The following PTK2 variants were observed in gnomAD, a reference collection of about 807,000 sequenced individuals.
PTK2 encodes the protein focal adhesion kinase 1.
Under a neutral mutation model 150.1 loss-of-function variants are expected in PTK2, and 45 were observed. The observed-to-expected ratio is 0.30, with a 90% CI of 0.24 to 0.38. The LOEUF is 0.38. Ranked by LOEUF, PTK2 falls within the 10% of genes least tolerant of loss-of-function variation. The probability of loss-of-function intolerance (pLI) is 1.00; values close to 1 mark genes in which losing one functional copy is unlikely to be tolerated. For missense variants in PTK2, 919 were observed against 1,307.3 expected, an observed-to-expected ratio of 0.70 and a Z score of 4.58; for synonymous variants, 432 against 449.2, an observed-to-expected ratio of 0.96 and a Z score of 0.48.
In PTK2 at chr8:140,954,322, G is replaced by A. The variant is rs527379365; in HGVS notation, c.-121-28573C>T. On this transcript the variant is annotated intron_variant, in intron 1 of 31. Transcript: ENST00000522684. ...TGAACTCAAGCAATCCTCCTGTCTC[G>A]GCCTCCCAAAGTGCTGGGATTACAA... Among the ~76,000 whole-genome samples, 14 of 152,034 alleles carry A rather than the reference G, an allele frequency of 9.2e-5. No homozygotes were observed. The East Asian group carries it at 2.3e-3, about 25-fold the overall frequency.
chr8:140,712,124 A>G (rs1200391850), intron 23 of PTK2, among the ~76,000 whole-genome samples: 2 of 152,180 alleles, frequency 1.3e-5, no homozygotes, highest in Non-Finnish European at 2.9e-5. Context: ...ACCAACACTC[A>G]TACTGTTAGA....
At chr8:140,913,762 A>G (rs1052066402) in intron 2 of PTK2, among the ~76,000 whole-genome samples, 3 of 152,218 alleles carry the variant, frequency 2.0e-5, no homozygotes, top group East Asian at 1.9e-4. Flanking sequence ...TTCATAAGTC[A>G]ATTCTCCCAA....
At chr8:140,719,534 C>T (rs1305176754) in intron 22 of PTK2, among the ~76,000 whole-genome samples, 1 of 152,154 alleles carries the variant, frequency 6.6e-6, no homozygotes, top group African/African-American at 2.4e-5. Context: ...CTCCCCTCCG[C>T]TGCTGGGAGG....
chr8:140,944,918 T>G (rs2100177158), intron 1 of PTK2, among the ~76,000 whole-genome samples: 1 of 152,240 alleles, frequency 6.6e-6, no homozygotes, highest in African/African-American at 2.4e-5. Context: ...GGTTTTTCAG[T>G]ATCTCATTAT....
intron 4 of PTK2, among the ~76,000 whole-genome samples, chr8:140,878,083 G>T (rs920349571): frequency 2.0e-5 from 3 of 152,134 alleles, no homozygotes; most frequent in Non-Finnish European, 4.4e-5. Flanking sequence ...AACCCTGCAG[G>T]TATTTTTATC....
At chr8:140,802,899 A>G (rs2100095956) in intron 11 of PTK2, among the ~76,000 whole-genome samples, 1 of 152,194 alleles carries the variant, frequency 6.6e-6, no homozygotes, top group Non-Finnish European at 1.5e-5. Flanking sequence ...TTGCACAACA[A>G]AGAAATCAGG....
chr8:140,789,153 G>A (rs560305814), intron 14 of PTK2, among the ~76,000 whole-genome samples: 1 of 151,984 alleles, frequency 6.6e-6, no homozygotes, highest in South Asian at 2.1e-4. Context: ...ATATTCTACT[G>A]AATTGCAAGA....
At chr8:140,719,761 T>C (rs187274553) in intron 22 of PTK2, among the ~76,000 whole-genome samples, 33 of 151,886 alleles carry the variant, frequency 2.2e-4, no homozygotes, top group African/African-American at 8.0e-4. Flanking sequence ...AGTTGGCTTA[T>C]GCCTGTAATC....
At chr8:140,686,978 G>A in intron 26 of PTK2, 1 of 354,902 alleles carries the variant, frequency 2.8e-6, no homozygotes, top group Non-Finnish European at 5.1e-6. Flanking sequence ...TAGCACAGAT[G>A]GCTTTCTTCT....
At chr8:140,797,042 G>C (rs911711820) in intron 12 of PTK2, among the ~76,000 whole-genome samples, 2 of 152,112 alleles carry the variant, frequency 1.3e-5, no homozygotes, top group Admixed American at 1.3e-4. Flanking sequence ...CAGGTCAGTG[G>C]TTTGTATGAC....
intron 1 of PTK2, among the ~76,000 whole-genome samples, chr8:140,960,631 C>G (rs1713013295): frequency 6.6e-6 from 1 of 152,184 alleles, no homozygotes; most frequent in Non-Finnish European, 1.5e-5. Flanking sequence ...ATCAGGTGAA[C>G]TACCAAAATT....
intron 14 of PTK2, chr8:140,771,227 C>T (rs1329092384): frequency 6.5e-6 from 1 of 153,250 alleles, no homozygotes; most frequent in African/African-American, 2.4e-5. Context: ...TTCCCCAAAT[C>T]ATTAGCAAAG....
intron 21 of PTK2, 33 bp from the exon 25 acceptor site, chr8:140,735,488 C>G (rs1166578597): frequency 6.2e-7 from 1 of 1,600,432 alleles, no homozygotes. Flanking sequence ...CAACAGTGAG[C>G]TCAGTATGAA....
In PTK2 at chr8:140,951,178, C is replaced by T. The variant is rs138199475; in HGVS notation, c.-121-25429G>A. Among the ~76,000 whole-genome samples the T allele has an allele frequency of 2.1e-3, 313 of 152,290 alleles. 1 individual carries two copies. Among genetic ancestry groups the T allele is most frequent in the Middle Eastern group, 3.4e-3 (1 of 294 alleles). ...ATTATCTCCATATATATCCCAGCAA[C>T]TCAATTCCTCCCAAACTTTCCTTTG... On this transcript the variant is annotated intron_variant, in intron 1 of 31. Coordinates refer to ENST00000522684, the Ensembl canonical transcript of PTK2.
chr8:140,688,430 A>G (rs1405285590), intron 26 of PTK2, among the ~76,000 whole-genome samples: 2 of 151,016 alleles, frequency 1.3e-5, no homozygotes, highest in Admixed American at 1.3e-4. Flanking sequence ...CCTCAAATGT[A>G]GCGTTGGGTG....
intron 2 of PTK2, among the ~76,000 whole-genome samples, chr8:140,919,546 G>A (rs2100166611): frequency 6.6e-6 from 1 of 152,044 alleles, no homozygotes; most frequent in Non-Finnish European, 1.5e-5. Context: ...AATCATCAGT[G>A]CTAACACAAT....
chr8:140,696,920 G>C (rs1300253922), intron 26 of PTK2, among the ~76,000 whole-genome samples: 1 of 151,800 alleles, frequency 6.6e-6, no homozygotes, highest in Admixed American at 6.6e-5. Flanking sequence ...CCATCTCACA[G>C]GCATTAAGAA....
intron 1 of PTK2, among the ~76,000 whole-genome samples, chr8:140,935,016 A>T (rs1018116009): frequency 6.6e-6 from 1 of 152,266 alleles, no homozygotes; most frequent in Non-Finnish European, 1.5e-5. Flanking sequence ...AACAAGTGAC[A>T]CATGATCTTA....
intron 1 of PTK2, among the ~76,000 whole-genome samples, chr8:140,976,779 C>G (rs987761158): frequency 3.3e-5 from 5 of 152,114 alleles, no homozygotes; most frequent in Non-Finnish European, 7.4e-5. Context: ...TTTTTCATAA[C>G]TAAGGTATAA....
Sources: allele counts gnomAD v4.1 joint callset (sites outside exome capture counted in the v4.1 genomes callset), GRCh38; gene constraint gnomAD v4.1.1; transcripts MANE v1.5; gene names NCBI Gene and HGNC (gene_info 2026-07-23, HGNC 2026-07-21).